The following SPECC1L variants were observed in gnomAD, a reference collection of about 807,000 sequenced individuals.
The protein encoded by SPECC1L is cytospin-A.
In SPECC1L, 40 loss-of-function variants were observed where a neutral mutation model predicts 116.8. The ratio of observed to expected loss-of-function variants is 0.34; its 90% CI spans 0.27 to 0.45. The LOEUF (loss-of-function observed/expected upper bound fraction) is 0.45, where lower values mean the gene tolerates loss of function less well. SPECC1L is among the 20% of genes least tolerant of loss of function. The pLI, the probability that SPECC1L is intolerant of heterozygous loss-of-function variation, is 1.00. For missense variants in SPECC1L, 1,110 were observed against 1,373.6 expected, an observed-to-expected ratio of 0.81 and a Z score of 3.03; for synonymous variants, 504 against 500.6, an observed-to-expected ratio of 1.01 and a Z score of -0.09.
intron 14 of SPECC1L, among the ~76,000 whole-genome samples, chr22:24,393,273 C>T (rs2042305312): frequency 6.6e-6 from 1 of 152,102 alleles, no homozygotes; most frequent in Admixed American, 6.5e-5. Flanking sequence ...CTGACAGAAC[C>T]TTATGATGCT....
intron 14 of SPECC1L, among the ~76,000 whole-genome samples, chr22:24,406,416 TCATTCTCA>T (rs2042591746): frequency 1.3e-5 from 2 of 152,178 alleles, no homozygotes; most frequent in African/African-American, 2.4e-5. Context: ...TACCTCACTG[TCATTCTCA>T]CAGTCATCCA....
intron 3 of SPECC1L, among the ~76,000 whole-genome samples, chr22:24,311,027 T>G (rs2040450795): frequency 6.6e-6 from 1 of 152,208 alleles, no homozygotes; most frequent in African/African-American, 2.4e-5. Flanking sequence ...AAACTCTTGT[T>G]TTCTCCCTTG....
chr22:24,338,768 T>C (rs1436355715), intron 10 of SPECC1L, among the ~76,000 whole-genome samples: 1 of 152,226 alleles, frequency 6.6e-6, no homozygotes, highest in Non-Finnish European at 1.5e-5. Flanking sequence ...ATTTAATCCT[T>C]ACAACTCTTG....
At chr22:24,277,554 T>C (rs2048860744) in intron 2 of SPECC1L, among the ~76,000 whole-genome samples, 1 of 152,260 alleles carries the variant, frequency 6.6e-6, no homozygotes. Flanking sequence ...TCCCTCTGGC[T>C]CTGGGCAGTC....
chr22:24,355,573 G>T (rs527719869), intron 11 of SPECC1L, among the ~76,000 whole-genome samples: 5 of 152,100 alleles, frequency 3.3e-5, no homozygotes, highest in East Asian at 1.9e-4. Context: ...ATCACCAATG[G>T]GTTCATTCCA....
intron 11 of SPECC1L, among the ~76,000 whole-genome samples, chr22:24,359,469 T>C (rs1336182181): frequency 6.6e-6 from 1 of 152,212 alleles, no homozygotes; most frequent in Non-Finnish European, 1.5e-5. Context: ...TTCTTACCTC[T>C]GTATGTGGTA....
At chr22:24,388,895 T>C (rs945659672) in intron 14 of SPECC1L, among the ~76,000 whole-genome samples, 11 of 152,174 alleles carry the variant, frequency 7.2e-5, no homozygotes, top group African/African-American at 2.7e-4. Context: ...TGGTTTTTAG[T>C]ATATGCACAG....
At chr22:24,403,738 C>T (rs1184664085) in intron 14 of SPECC1L, among the ~76,000 whole-genome samples, 1 of 152,216 alleles carries the variant, frequency 6.6e-6, no homozygotes, top group Non-Finnish European at 1.5e-5. Flanking sequence ...TATTTCTAGG[C>T]AAGGTCTGTG....
chr22:24,317,282 C>A (rs1419648550), intron 4 of SPECC1L, among the ~76,000 whole-genome samples: 96 of 115,094 alleles, frequency 8.3e-4, no homozygotes, highest in Non-Finnish European at 1.1e-3. Context: ...CCACCTCCCT[C>A]CCGGACGGGG....
intron 11 of SPECC1L, among the ~76,000 whole-genome samples, chr22:24,348,172 A>G (rs2041342802): frequency 6.6e-6 from 1 of 152,082 alleles, no homozygotes. Context: ...GAATGTTCCC[A>G]AGTGTCCCCT....
intron 14 of SPECC1L, among the ~76,000 whole-genome samples, chr22:24,382,474 G>A (rs1041105359): frequency 1.3e-5 from 2 of 152,164 alleles, no homozygotes; most frequent in African/African-American, 4.8e-5. Context: ...AGAGGCCGAG[G>A]CAGGCGGATC....
At chr22:24,357,790 T>A (rs2041561019) in intron 11 of SPECC1L, among the ~76,000 whole-genome samples, 1 of 152,230 alleles carries the variant, frequency 6.6e-6, no homozygotes, top group Non-Finnish European at 1.5e-5. Flanking sequence ...GGGCTTTTCT[T>A]AATGCCTGCT....
At chr22:24,303,169 C>T (rs2049416414) in intron 3 of SPECC1L, among the ~76,000 whole-genome samples, 1 of 151,954 alleles carries the variant, frequency 6.6e-6, no homozygotes, top group Non-Finnish European at 1.5e-5. Context: ...TAGATCATGG[C>T]TTAATTATTT....
intron 14 of SPECC1L, among the ~76,000 whole-genome samples, chr22:24,396,384 G>T (rs2042369801): frequency 6.6e-6 from 1 of 151,748 alleles, no homozygotes. Context: ...TGCAACCTCT[G>T]CTTCCCGGGT....
chr22:24,362,294 C>A (rs1423733148), intron 11 of SPECC1L, among the ~76,000 whole-genome samples: 1 of 152,012 alleles, frequency 6.6e-6, no homozygotes, highest in African/African-American at 2.4e-5. Flanking sequence ...TCAACTGAGA[C>A]CTGAAGGGTG....
At chr22:24,308,345 T>C (rs189377467) in intron 3 of SPECC1L, among the ~76,000 whole-genome samples, 138 of 152,352 alleles carry the variant, frequency 9.1e-4, no homozygotes, top group African/African-American at 3.1e-3. Flanking sequence ...TCATCCTATT[T>C]AAATTCGGAA....
intron 13 of SPECC1L, 116 bp from the exon 14 acceptor site, chr22:24,369,102 C>T: frequency 2.7e-6 from 2 of 750,410 alleles, no homozygotes; most frequent in Admixed American, 2.0e-5. Flanking sequence ...TATGTCTTGC[C>T]TTTGTATTGC....
At chr22:24,407,045 G>A (rs959684971) in intron 14 of SPECC1L, among the ~76,000 whole-genome samples, 2 of 152,170 alleles carry the variant, frequency 1.3e-5, no homozygotes, top group African/African-American at 4.8e-5. Flanking sequence ...GCCAGTGGGC[G>A]CTCAAGCTTC....
intron 11 of SPECC1L, among the ~76,000 whole-genome samples, chr22:24,360,941 T>A (rs1467910603): frequency 6.6e-6 from 1 of 152,226 alleles, no homozygotes; most frequent in Non-Finnish European, 1.5e-5. Flanking sequence ...TCTGTGATGC[T>A]TGCTTATGGG....
Sources: gnomAD v4.1 joint callset for allele counts (sites outside exome capture counted in the v4.1 genomes callset) on GRCh38, gnomAD v4.1.1 for gene constraint, MANE v1.5 for transcripts, NCBI Gene and HGNC (gene_info 2026-07-23, HGNC 2026-07-21) for gene names.